CCDC138: variants seen among roughly 807,000 people sequenced by gnomAD.
The protein encoded by CCDC138 is coiled-coil domain-containing protein 138.
A neutral mutation model predicts 82.3 loss-of-function variants in CCDC138; 66 were observed. The observed-to-expected ratio is 0.80, with a 90% confidence interval of 0.66 to 0.98. CCDC138 has a LOEUF of 0.98. CCDC138 is among the 50% of genes least tolerant of loss of function. The pLI, the probability that CCDC138 is intolerant of heterozygous loss-of-function variation, is 0.00. For synonymous variants in CCDC138, 297 were observed against 265.4 expected, an observed-to-expected ratio of 1.12 and a Z score of -1.16; for missense variants, 816 against 758.9, an observed-to-expected ratio of 1.08 and a Z score of -0.88.
At chr2:108,864,164 GA>G (rs202102079) in intron 13 of CCDC138, among the ~76,000 whole-genome samples, 3 of 146,756 alleles carry the variant, frequency 2.0e-5, no homozygotes, top group African/African-American at 7.5e-5. Flanking sequence ...CATATTTTGT[GA>G]AAAAAAAACA....
At chr2:108,795,057 A>AT (rs11389927) in intron 5 of CCDC138, among the ~76,000 whole-genome samples, 97,047 of 151,396 alleles carry the variant, frequency 0.64, 34,233 homozygotes, top group East Asian at 0.9. Context: ...TTAAGTACTT[A>AT]TATATAAAAA....
chr2:108,786,779 G>A lies in CCDC138; in HGVS notation c.-44G>A, dbSNP rs747824731. The stretch of plus-strand genomic sequence containing the variant: ...TGCGGCCGCGTAGCGCCGCGGGTTT[G>A]ATGAACGCGGTTCCCGGGGAGACTG... On this transcript the variant is annotated 5_prime_UTR_variant, in exon 1 of 15. Transcript: ENST00000295124. 2.0e-6 allele frequency: 3 copies of A among 1,531,628 alleles called. No individual in the cohort carries two copies. Among genetic ancestry groups the A allele is most frequent in the East Asian group, 2.4e-5 (1 of 42,300 alleles). The allele number at this position is 1,531,628 out of a possible 1,614,324, so 94.9% of individuals were successfully genotyped here. A position where few individuals can be genotyped will look rare whatever the true frequency, so the allele number is the denominator to read the frequency against.
intron 10 of CCDC138, among the ~76,000 whole-genome samples, chr2:108,823,294 G>A (rs188985261): frequency 2.2e-4 from 34 of 152,266 alleles, no homozygotes; most frequent in African/African-American, 7.7e-4. Flanking sequence ...ACTCTGTGGG[G>A]CCTACATTAC....
chr2:108,788,753 A>G (rs1573892572), intron 2 of CCDC138, 99 bp from the exon 3 acceptor site: 11 of 1,466,874 alleles, frequency 7.5e-6, no homozygotes, highest in South Asian at 5.5e-5. Flanking sequence ...TTTGAGAGAG[A>G]AGATTTTAAA....
At chr2:108,819,523 G>A (rs35177625) in intron 10 of CCDC138, among the ~76,000 whole-genome samples, 121,240 of 152,110 alleles carry the variant, frequency 0.8, 48,647 homozygotes, top group East Asian at 0.95. Flanking sequence ...CACTTCTGCT[G>A]GAAGAGGTCT....
chr2:108,851,604 T>G (rs111362504), intron 12 of CCDC138, among the ~76,000 whole-genome samples: 3 of 152,086 alleles, frequency 2.0e-5, no homozygotes, highest in African/African-American at 7.2e-5. Context: ...CGCCCGGCCT[T>G]TCTCTTGGGT....
At chr2:108,875,966 C>T in intron 14 of CCDC138, 122 bp from the exon 15 acceptor site, 1 of 594,196 alleles carries the variant, frequency 1.7e-6, no homozygotes, top group East Asian at 2.9e-5. Context: ...TGCCTATTTT[C>T]TCCACTGTTT....
chr2:108,803,770 A>AAAAGAAACTGT (rs1454837462), intron 6 of CCDC138, among the ~76,000 whole-genome samples: 3 of 152,112 alleles, frequency 2.0e-5, no homozygotes, highest in Non-Finnish European at 4.4e-5. Context: ...CACAGTTGTC[A>AAAAGAAACTGT]GTTAGTTGTT....
At chr2:108,797,487 C>T (rs1681099533) in intron 5 of CCDC138, among the ~76,000 whole-genome samples, 1 of 151,996 alleles carries the variant, frequency 6.6e-6, no homozygotes. Flanking sequence ...AGGAGTGATT[C>T]TGAAATGAGA....
intron 13 of CCDC138, among the ~76,000 whole-genome samples, chr2:108,860,540 G>A (rs892221065): frequency 6.6e-6 from 1 of 151,024 alleles, no homozygotes; most frequent in Non-Finnish European, 1.5e-5. Context: ...CTAAAGAGAT[G>A]TTGGATTTTA....
intron 11 of CCDC138, 29 bp downstream of exon 11, chr2:108,839,330 A>G (rs1574157005): frequency 1.3e-6 from 2 of 1,569,318 alleles, no homozygotes; most frequent in East Asian, 4.5e-5. Flanking sequence ...TTTATCTATA[A>G]GTAATACTCC....
chr2:108,835,202 G>T lies in CCDC138; in HGVS notation c.1207-3983G>T, dbSNP rs565702195. Among the ~76,000 whole-genome samples, 4 of 152,312 alleles carry T rather than the reference G, an allele frequency of 2.6e-5. No individual in the cohort carries two copies. The South Asian group carries it at 8.3e-4, about 32-fold the overall frequency. On this transcript the variant is annotated intron_variant, in intron 10 of 14. Transcript: ENST00000295124. ...TAGTTGTTGAAATGACTACTGTAGT[G>T]TAAGTTTCATATATAGGCACTGTTT...
At position 108,794,609 on chromosome 2, in the gene CCDC138, C is replaced by T; in HGVS notation, c.464C>T (p.Pro155Leu). The T allele has an allele frequency of 6.2e-7, 1 of 1,614,066 alleles. No individual in the cohort carries two copies. Among genetic ancestry groups the T allele is most frequent in the Non-Finnish European group, 8.5e-7 (1 of 1,179,966 alleles). Residue 155 changes from proline (P) to leucine (L), a missense_variant, in exon 5 of 15, where the codon CCT becomes CTT. Coordinates refer to ENST00000295124, the MANE Select transcript of CCDC138 (RefSeq NM_144978.3). ...TGTTGTAGTGATGCAGGTGACTCTCCTTTGAAACCTGTCAGCTGTCCAAAA... is the reference window on the plus strand; with the variant it reads ...TGTTGTAGTGATGCAGGTGACTCTCTTTTGAAACCTGTCAGCTGTCCAAAA... Reference protein sequence around the residue: ...TECCSDAGDSPLKPVSCPKSK... With the variant: ...TECCSDAGDSLLKPVSCPKSK...
At chr2:108,834,001 C>T (rs889180971) in intron 10 of CCDC138, among the ~76,000 whole-genome samples, 11 of 150,422 alleles carry the variant, frequency 7.3e-5, no homozygotes, top group Admixed American at 2.7e-4. Flanking sequence ...CTGCCTCGGC[C>T]TCCCAAAGTG....
At chr2:108,793,891 C>T (rs990599532) in intron 4 of CCDC138, among the ~76,000 whole-genome samples, 3 of 151,838 alleles carry the variant, frequency 2.0e-5, no homozygotes, top group African/African-American at 7.3e-5. Flanking sequence ...CGTGAGCCAC[C>T]GCGCCCTGCC....
intron 1 of CCDC138, among the ~76,000 whole-genome samples, 186 bp downstream of exon 1, chr2:108,787,101 G>GGGGGTGCC (rs1678970358): frequency 1.3e-5 from 2 of 152,274 alleles, no homozygotes; most frequent in South Asian, 2.1e-4. Flanking sequence ...GCGGGGGTGC[G>GGGGGTGCC]GGGGTGCCGC....
chr2:108,804,159 G>C (rs1336277643), intron 6 of CCDC138, among the ~76,000 whole-genome samples: 2 of 152,040 alleles, frequency 1.3e-5, no homozygotes, highest in Admixed American at 1.3e-4. Flanking sequence ...TCACTACTTG[G>C]AAGAAGGGAA....
chr2:108,882,597 T>A (rs1696323417), intron 1 of CCDC138: 1 of 152,304 alleles, frequency 6.6e-6, no homozygotes, highest in African/African-American at 2.4e-5. Context: ...ACTTGCTGTG[T>A]TATTGCAGGT....
At chr2:108,873,655 G>A (rs1695606282) in intron 14 of CCDC138, 66 bp downstream of exon 14, 1 of 1,155,882 alleles carries the variant, frequency 8.7e-7, no homozygotes, top group East Asian at 2.6e-5. Context: ...TTAAACCAGG[G>A]GTTTTAATCT....
Sources: gnomAD v4.1 joint callset for allele counts (sites outside exome capture counted in the v4.1 genomes callset) on GRCh38, gnomAD v4.1.1 for gene constraint, MANE v1.5 for transcripts, NCBI Gene and HGNC (gene_info 2026-07-23, HGNC 2026-07-21) for gene names.